The following REXO1 variants were observed in gnomAD, a reference collection of about 807,000 sequenced individuals.
REXO1 encodes the protein RNA exonuclease 1 homolog, also known as REX1, RNA exonuclease 1 homolog.
A neutral mutation model predicts 102.6 loss-of-function variants in REXO1; 42 were observed. The observed-to-expected ratio is 0.41, with a 90% CI of 0.32 to 0.53. The LOEUF (loss-of-function observed/expected upper bound fraction) is 0.53, where lower values mean the gene tolerates loss of function less well. REXO1 is among the 20% of genes least tolerant of loss of function. The probability of loss-of-function intolerance (pLI) is 0.27; values close to 1 mark genes in which losing one functional copy is unlikely to be tolerated. For missense variants in REXO1, 1,819 were observed against 1,732.5 expected (o/e 1.05, Z -0.89); for synonymous variants, 908 against 779.1 (o/e 1.17, Z -2.76).
At chr19:1,836,924 A>AGGC (rs2070056922) in intron 1 of REXO1, among the ~76,000 whole-genome samples, 1 of 152,142 alleles carries the variant, frequency 6.6e-6, no homozygotes, top group African/African-American at 2.4e-5. Context: ...AGATGGAAAC[A>AGGC]GACAGTCCCT....
chr19:1,829,248 AT>A (rs987234600), intron 1 of REXO1, among the ~76,000 whole-genome samples: 63 of 147,278 alleles, frequency 4.3e-4, no homozygotes, highest in Non-Finnish European at 4.4e-4. Flanking sequence ...CCACAGGAAG[AT>A]TTTTTTTTTT....
At chr19:1,824,330 G>C (rs1037958165) in intron 3 of REXO1, 4 of 152,524 alleles carry the variant, frequency 2.6e-5, no homozygotes, top group Non-Finnish European at 4.4e-5. Context: ...GCCGCACTCT[G>C]GGGGAGGTCA....
chr19:1,838,435 A>G (rs1599166079), intron 1 of REXO1, among the ~76,000 whole-genome samples: 1 of 152,068 alleles, frequency 6.6e-6, no homozygotes, highest in South Asian at 2.1e-4. Flanking sequence ...CCTGAGCAAC[A>G]TGCAGAAATC....
In REXO1 at chr19:1,828,472, T is replaced by TGCTCCA. The variant is rs1225572769; in HGVS notation, c.311_316dup (p.Leu104_Glu105dup). The stretch of plus-strand genomic sequence containing the variant: ...CTCCAGCAGCTCCCGGTAGCGCCGC[T>TGCTCCA]GCTCCAGCTCCACCTCACTGCGCAC... On this transcript the variant is annotated inframe_insertion, in exon 2 of 16. Coordinates refer to ENST00000170168, the MANE Select transcript of REXO1 (RefSeq NM_020695.4). 1.2e-5 allele frequency: 20 copies of TGCTCCA among 1,606,770 alleles called. No individual in the cohort carries two copies. Among genetic ancestry groups the TGCTCCA allele is most frequent in the Non-Finnish European group, 1.7e-5 (20 of 1,179,762 alleles).
chr19:1,836,718 C>G (rs1461814103), intron 1 of REXO1, among the ~76,000 whole-genome samples: 1 of 126,490 alleles, frequency 7.9e-6, no homozygotes, highest in African/African-American at 3.0e-5. Context: ...CGCACTGCAG[C>G]CTGGGCAACA....
Position 1,841,913 on chromosome 19 carries a change from C to G in REXO1, c.157+6289G>C, listed in dbSNP as rs116944638. Among the ~76,000 whole-genome samples, 386 of 152,218 alleles carry G rather than the reference C, an allele frequency of 2.5e-3. 6 individuals are homozygous for G. The East Asian group carries it at 0.041, about 16-fold the overall frequency. The stretch of plus-strand genomic sequence containing the variant: ...AGAGCGCCAGCTCAGCCATCCCTCT[C>G]GAAAACACAAAAACAGGCCCAGCAC... On this transcript the variant is annotated intron_variant, in intron 1 of 15. Transcript: ENST00000170168.
chr19:1,842,905 A>G (rs898039687), intron 1 of REXO1, among the ~76,000 whole-genome samples: 2 of 152,244 alleles, frequency 1.3e-5, no homozygotes, highest in African/African-American at 4.8e-5. Flanking sequence ...ACAGGCCCCC[A>G]GGCCCTGGGA....
At position 1,821,655 on chromosome 19, in the gene REXO1, G is replaced by C. The variant is rs141030694; in HGVS notation, c.2258C>G (p.Ala753Gly). 6.2e-7 allele frequency: 1 copy of C among 1,612,916 alleles called. No homozygotes were observed. The change falls in exon 5 of 16, where the codon GCG becomes GGG. Residue 753 changes from alanine to glycine, a missense_variant. By Grantham distance (60) the Ala-to-Gly change is moderately conservative (BLOSUM62 0). Coordinates refer to ENST00000170168, the MANE Select transcript of REXO1 (RefSeq NM_020695.4). ...AAPTGAKRTL[A>G]ASGSQSSNGP... ...GTTGGAGGACTGGCTGCCGCTGGCC[G>C]CAAGGGTCCTCTTGGCACCTGTGGG...
Position 1,826,100 on chromosome 19 carries a change from T to A in REXO1, c.1912-157A>T, listed in dbSNP as rs1385245376. ...GGGCCAACAGTCCCTGGGCTTTGTG[T>A]GGGTGCAGTCGGAGGGGTGGGCAGG... On this transcript the variant is annotated intron_variant, in intron 2 of 15. Transcript: ENST00000170168. This position sits in a 1 kb window ranked among gnomAD's most constrained non-coding sequence, Gnocchi z 4.3. Among the ~76,000 whole-genome samples, 1 of 152,056 alleles carries A rather than the reference T, an allele frequency of 6.6e-6. No individual in the cohort carries two copies. Among genetic ancestry groups the A allele is most frequent in the Non-Finnish European group, 1.5e-5 (1 of 68,004 alleles).
chr19:1,816,996 C>T (rs2069385865), intron 12 of REXO1, among the ~76,000 whole-genome samples, 183 bp from the exon 13 acceptor site: 1 of 152,190 alleles, frequency 6.6e-6, no homozygotes, highest in South Asian at 2.1e-4. Flanking sequence ...AGCCCTCCTG[C>T]CTCCCATTCA....
intron 5 of REXO1, among the ~76,000 whole-genome samples, chr19:1,821,032 A>G (rs1039662085): frequency 1.3e-5 from 2 of 149,930 alleles, no homozygotes; most frequent in Non-Finnish European, 3.0e-5. Flanking sequence ...CCAAAAAAAC[A>G]AAACAAGACA....
chr19:1,843,464 T>C (rs1199140173), intron 1 of REXO1, among the ~76,000 whole-genome samples: 1 of 152,084 alleles, frequency 6.6e-6, no homozygotes, highest in Non-Finnish European at 1.5e-5. Flanking sequence ...CTGCTCAACA[T>C]CCTACAACGC....
At position 1,816,422 on chromosome 19, in the gene REXO1, G is replaced by T; in HGVS notation, c.3456+9C>A. On this transcript the variant is annotated intron_variant, in intron 14 of 15. Coordinates refer to ENST00000170168, the MANE Select transcript of REXO1 (RefSeq NM_020695.4). Reference sequence around the variant, plus strand: ...GGAGAACCGCGCGGGACCCGGGCCGGCAGGGCACCTTCAGGGCCAGGAGGT... The same window carrying T: ...GGAGAACCGCGCGGGACCCGGGCCGTCAGGGCACCTTCAGGGCCAGGAGGT... 6.2e-7 allele frequency: 1 copy of T among 1,610,238 alleles called. No individual in the cohort carries two copies. Among genetic ancestry groups the T allele is most frequent in the Non-Finnish European group, 8.5e-7 (1 of 1,178,712 alleles).
Position 1,818,837 on chromosome 19 carries a change from G to A in REXO1, c.2771C>T (p.Ala924Val), listed in dbSNP as rs757838763. The A allele has an allele frequency of 6.2e-7, 1 of 1,609,142 alleles. No individual in the cohort carries two copies. Among genetic ancestry groups the A allele is most frequent in the Non-Finnish European group, 8.5e-7 (1 of 1,179,632 alleles). The change falls in exon 9 of 16, where the codon GCC becomes GTC. Residue 924 changes from alanine to valine, a missense_variant. Physicochemically the swap from Ala to Val is moderately conservative, Grantham distance 64. Transcript: ENST00000170168. Reference protein sequence around the residue: ...SPRVEDLKGAALYSRLREYLL... With the variant: ...SPRVEDLKGAVLYSRLREYLL... ...GTACTCCCTGAGGCGGCTGTACAGG[G>A]CAGCCCCTGTGGACAGGCACAGTGG... is the stretch of plus-strand genomic sequence containing the variant.
At position 1,815,892 on chromosome 19, in the gene REXO1, C is replaced by G. The variant is rs1036929242; in HGVS notation, c.*174G>C. The G allele has an allele frequency of 8.1e-7, 1 of 1,238,246 alleles. No homozygotes were observed. Among genetic ancestry groups the G allele is most frequent in the African/African-American group, 2.2e-5 (1 of 45,634 alleles). 76.7% of individuals were successfully genotyped at this position (1,238,246 alleles called of 1,614,324 possible). On this transcript the variant is annotated 3_prime_UTR_variant, in exon 16 of 16. Transcript: ENST00000170168. The surrounding 1 kb of genome is among the most constrained non-coding windows in gnomAD (Gnocchi z 4.0). The stretch of plus-strand genomic sequence containing the variant: ...GGACCGGCGGAGGGGTGCGGCAGGA[C>G]GTGAGCGGGGGTGGGCTGGGCTGGG...
At chr19:1,844,754 C>A (rs954875860) in intron 1 of REXO1, among the ~76,000 whole-genome samples, 10 of 152,356 alleles carry the variant, frequency 6.6e-5, no homozygotes, top group Non-Finnish European at 1.2e-4. Context: ...CCCGCACACA[C>A]GTCTGCCGCT....
At chr19:1,838,575 G>C (rs962628009) in intron 1 of REXO1, among the ~76,000 whole-genome samples, 3 of 151,030 alleles carry the variant, frequency 2.0e-5, no homozygotes, top group Non-Finnish European at 2.9e-5. Context: ...TGAGGCAGGA[G>C]AATCGTTTGA....
At position 1,816,560 on chromosome 19, in the gene REXO1, C is replaced by T. The variant is rs1361329832; in HGVS notation, c.3327G>A (p.Gly1109=). Residue 1109 remains glycine, a synonymous_variant, in exon 14 of 16, where the codon GGG becomes GGA. Transcript: ENST00000170168. ...EIVDYNTRFS[G]VTEADLADTS... ...TGTCGGCAAGGTCAGCCTCCGTCAC[C>T]CCCGAAAACCTGGGGGAACGGGCAG... 3 of 1,609,900 alleles carry T rather than the reference C, an allele frequency of 1.9e-6. No homozygotes were observed. The highest frequency in any genetic ancestry group is 2.5e-6 in the Non-Finnish European group (3 of 1,178,018).
rs563932113 is a variant in REXO1 at position 1,827,966 on chromosome 19, G to C, written c.823C>G (p.Leu275Val). 10 of 1,613,650 alleles carry C rather than the reference G, an allele frequency of 6.2e-6. No individual in the cohort carries two copies. The highest frequency in any genetic ancestry group is 5.5e-5 in the South Asian group (5 of 91,080). The change falls in exon 2 of 16, where the codon CTC (leucine) becomes GTC (valine). Residue 275 changes from leucine to valine, a missense_variant. Coordinates refer to ENST00000170168, the MANE Select transcript of REXO1 (RefSeq NM_020695.4). Reference sequence around the variant, plus strand: ...TCGCAACTGCCAAAGGGGTCACAGAGCTTCTTGGGAGCAGGTGTGTAGGGC... The same window carrying C: ...TCGCAACTGCCAAAGGGGTCACAGACCTTCTTGGGAGCAGGTGTGTAGGGC... ...SEPYTPAPKK[L>V]CDPFGSCDAR...
Sources: gnomAD v4.1 joint callset for allele counts (sites outside exome capture counted in the v4.1 genomes callset) on GRCh38, gnomAD v4.1.1 for gene constraint, Gnocchi (gnomAD v3.1) non-coding constraint, MANE v1.5 for transcripts, NCBI Gene and HGNC (gene_info 2026-07-23, HGNC 2026-07-21) for gene names.